The following MMAA variants were observed in gnomAD, a reference collection of about 807,000 sequenced individuals.
The protein encoded by MMAA is metabolism of cobalamin associated A.
MMAA carries 41 observed loss-of-function variants against 45.0 expected under a neutral mutation model. The ratio of observed to expected loss-of-function variants is 0.91; its 90% confidence interval spans 0.71 to 1.18. The LOEUF (loss-of-function observed/expected upper bound fraction) is 1.18, where lower values mean the gene tolerates loss of function less well. Among genes scored for constraint, MMAA ranks in the 50% most tolerant of loss-of-function variants. The pLI is 0.00. For synonymous variants in MMAA, 154 were observed against 178.2 expected (o/e 0.86, Z 1.08); for missense variants, 460 against 495.7 (o/e 0.93, Z 0.68).
intron 1 of MMAA, chr4:145,625,434 T>C (rs1734180343): frequency 1.4e-6 from 1 of 708,254 alleles, no homozygotes; most frequent in African/African-American, 1.7e-5. Context: ...AGCCATTTGC[T>C]GAGAGGGATA....
intron 4 of MMAA, among the ~76,000 whole-genome samples, chr4:145,647,918 G>A (rs369263967): frequency 5.3e-5 from 8 of 151,996 alleles, no homozygotes; most frequent in South Asian, 2.1e-4. Context: ...GTGCAGTTGC[G>A]GGGTCTCGGC....
intron 6 of MMAA, among the ~76,000 whole-genome samples, chr4:145,654,625 G>A (rs1251213421): frequency 6.6e-6 from 1 of 152,190 alleles, no homozygotes; most frequent in Non-Finnish European, 1.5e-5. Context: ...TGAGGACAAT[G>A]ATGACTTATC....
chr4:145,636,825 G>T (rs1727624228), intron 1 of MMAA, among the ~76,000 whole-genome samples: 1 of 152,192 alleles, frequency 6.6e-6, no homozygotes, highest in Admixed American at 6.5e-5. Flanking sequence ...GCTAGGATTA[G>T]GTTATTTAAG....
chr4:145,655,587 T>C lies in MMAA; in HGVS notation c.*153T>C. The stretch of plus-strand genomic sequence containing the variant: ...GCTTGAAAACTTGAAGGAAGTTAGA[T>C]ATGAATGGCAAAAGTTAGGCAGTAT... On this transcript the variant is annotated 3_prime_UTR_variant, in exon 7 of 7. Transcript: ENST00000649156. 4 of 702,738 alleles carry C rather than the reference T, an allele frequency of 5.7e-6. No homozygotes were observed. Among genetic ancestry groups the C allele is most frequent in the African/African-American group, 1.8e-5 (1 of 55,730 alleles). The allele number at this position is 702,738 out of a possible 1,614,324, so 43.5% of individuals were successfully genotyped here.
At position 145,657,552 on chromosome 4, in the gene MMAA, GTTTC is replaced by G. The variant is rs1728269203; in HGVS notation, c.*2122_*2125del. The G allele has an allele frequency of 6.6e-6, 1 of 152,098 alleles. No individual in the cohort carries two copies. The highest frequency in any genetic ancestry group is 1.5e-5 in the Non-Finnish European group (1 of 68,026). The allele number at this position is 152,098 out of a possible 1,614,324, so 9.4% of individuals were successfully genotyped here. A position where few individuals can be genotyped will look rare whatever the true frequency, so the allele number is the denominator to read the frequency against. On this transcript the variant is annotated 3_prime_UTR_variant, in exon 7 of 7. Coordinates refer to ENST00000649156, the MANE Select transcript of MMAA (RefSeq NM_172250.3). ...GCAAGTTTTTTCTCTATGTGCAGTA[GTTTC>G]TTTATCTGTAAAATTAAGATAATAG...
chr4:145,631,908 A>G (rs556942443), intron 1 of MMAA, among the ~76,000 whole-genome samples: 3 of 152,346 alleles, frequency 2.0e-5, no homozygotes, highest in Middle Eastern at 3.4e-3. Flanking sequence ...ACAAATGAAT[A>G]GAAAACTAAT....
At chr4:145,632,792 C>T (rs1727491514) in intron 1 of MMAA, among the ~76,000 whole-genome samples, 1 of 150,516 alleles carries the variant, frequency 6.6e-6, no homozygotes, top group South Asian at 2.1e-4. Flanking sequence ...GGGTCTTGCT[C>T]TGTCACCCAG....
rs116354493 is a variant in MMAA, at chr4:145,625,306, G to T, written c.-66+5899G>T. 1.1e-3 allele frequency: 821 copies of T among 721,070 alleles called. 9 individuals carry two copies. The African/African-American group carries it at 0.012, about 11-fold the overall frequency. 44.7% of individuals were successfully genotyped at this position (721,070 alleles called of 1,614,324 possible). ...TTCCCCAGACATTAGTAAAGAAATT[G>T]CAGGCTCTGGAAGAAGTCTGTCTAT... On this transcript the variant is annotated intron_variant, in intron 1 of 6. Transcript: ENST00000649156.
intron 4 of MMAA, 69 bp from the exon 5 acceptor site, chr4:145,650,993 G>C: frequency 7.4e-7 from 1 of 1,345,968 alleles, no homozygotes; most frequent in Non-Finnish European, 1.1e-6. Flanking sequence ...GAATGGAAAT[G>C]GTCAATGTAG....
At position 145,656,712 on chromosome 4, in the gene MMAA, A is replaced by C. The variant is rs759292618; in HGVS notation, c.*1278A>C. ...ATTTGAATAAAATTTCTAACCATAA[A>C]ATTTCGCCATTGCACAAAAAGCCTT... On this transcript the variant is annotated 3_prime_UTR_variant, in exon 7 of 7. Coordinates refer to ENST00000649156, the MANE Select transcript of MMAA (RefSeq NM_172250.3). 5 of 152,182 alleles carry C rather than the reference A, an allele frequency of 3.3e-5. No homozygotes were observed. The highest frequency in any genetic ancestry group is 7.4e-5 in the Non-Finnish European group (5 of 68,012). The allele number at this position is 152,182 out of a possible 1,614,324, so 9.4% of individuals were successfully genotyped here.
In MMAA at chr4:145,658,655, A is replaced by G. The variant is rs1728301439; in HGVS notation, c.*3221A>G. On this transcript the variant is annotated 3_prime_UTR_variant, in exon 7 of 7. Coordinates refer to ENST00000649156, the MANE Select transcript of MMAA (RefSeq NM_172250.3). ...CTGAAGACAACAGCTAACGAACAAC[A>G]TACGTGTGATAATTTATGTAGTTGA... The G allele has an allele frequency of 6.6e-6, 1 of 151,734 alleles. No individual in the cohort carries two copies. Among genetic ancestry groups the G allele is most frequent in the South Asian group, 2.1e-4 (1 of 4,782 alleles). 9.4% of individuals were successfully genotyped at this position (151,734 alleles called of 1,614,324 possible).
At chr4:145,634,633 G>A (rs1727557803) in intron 1 of MMAA, among the ~76,000 whole-genome samples, 1 of 151,860 alleles carries the variant, frequency 6.6e-6, no homozygotes, top group Admixed American at 6.6e-5. Flanking sequence ...AGCAGAAGGA[G>A]TCTCGCCCTG....
chr4:145,650,847 C>T (rs533689919), intron 4 of MMAA: 17 of 573,404 alleles, frequency 3.0e-5, no homozygotes, highest in South Asian at 4.1e-5. Context: ...AATCCAAGAA[C>T]GGAGCGGGAG....
chr4:145,636,542 C>T (rs1271501739), intron 1 of MMAA, among the ~76,000 whole-genome samples: 1 of 152,200 alleles, frequency 6.6e-6, no homozygotes, highest in Non-Finnish European at 1.5e-5. Context: ...TTCCATATAC[C>T]CTAGGCTTCT....
Position 145,655,296 on chromosome 4 carries a change from A to C in MMAA, c.1119A>C (p.Glu373Asp). 1 of 1,614,200 alleles carries C rather than the reference A, an allele frequency of 6.2e-7. No homozygotes were observed. The highest frequency in any genetic ancestry group is 8.5e-7 in the Non-Finnish European group (1 of 1,180,034). The change falls in exon 7 of 7, where the codon GAA (glutamate) becomes GAC (aspartate). Residue 373 changes from glutamate (E) to aspartate (D), a missense_variant. Glu to Asp is a conservative substitution (Grantham distance 45, BLOSUM62 2). Transcript: ENST00000649156. The stretch of plus-strand genomic sequence containing the variant: ...TTTGGATGTGGAATCTCATTCAGGA[A>C]AGTGTGTTAGAGCATTTCAGGACCC... The part of the protein sequence containing the change: ...QKVWMWNLIQ[E>D]SVLEHFRTHP...
At chr4:145,630,267 A>G (rs772481855) in intron 1 of MMAA, among the ~76,000 whole-genome samples, 4 of 152,280 alleles carry the variant, frequency 2.6e-5, no homozygotes, top group South Asian at 2.1e-4. Context: ...TTTCTTCTAG[A>G]TGTTTTCAAT....
In MMAA at chr4:145,659,173, A is replaced by T. The variant is rs868056972; in HGVS notation, c.*3739A>T. On this transcript the variant is annotated 3_prime_UTR_variant, in exon 7 of 7. Coordinates refer to ENST00000649156, the MANE Select transcript of MMAA (RefSeq NM_172250.3). The stretch of plus-strand genomic sequence containing the variant: ...CCGTAGTATTTTAATTAAAATTTTT[A>T]AAATTTTAAAATTTACTAAATTTAT... The T allele has an allele frequency of 1.3e-5, 2 of 152,220 alleles. No homozygotes were observed. Among genetic ancestry groups the T allele is most frequent in the East Asian group, 1.9e-4 (1 of 5,208 alleles). The allele number at this position is 152,220 out of a possible 1,614,324, so 9.4% of individuals were successfully genotyped here. A position where few individuals can be genotyped will look rare whatever the true frequency, so the allele number is the denominator to read the frequency against.
In MMAA at chr4:145,646,152, C is replaced by T. The variant is rs138111772; in HGVS notation, c.729C>T (p.Thr243=). ...GAGYDIILIE[T]VGVGQSEFAV... ...GATATGACATAATTCTTATTGAAACCGTTGGTGAGTGTGATATTCTATTTC... is the reference window on the plus strand; with the variant it reads ...GATATGACATAATTCTTATTGAAACTGTTGGTGAGTGTGATATTCTATTTC... The change falls in exon 4 of 7, where the codon ACC becomes ACT. Residue 243 remains threonine (T), a synonymous_variant. Transcript: ENST00000649156. 2.3e-4 allele frequency: 373 copies of T among 1,613,784 alleles called. No homozygotes were observed. The highest frequency in any genetic ancestry group is 3.0e-4 in the Non-Finnish European group (357 of 1,179,876).
At chr4:145,643,951 T>C (rs541648430) in intron 3 of MMAA, among the ~76,000 whole-genome samples, 153 of 152,212 alleles carry the variant, frequency 1.0e-3, no homozygotes, top group African/African-American at 3.6e-3. Context: ...AGGCAAAAAA[T>C]TATATAGACT....
Sources: gnomAD v4.1 joint callset for allele counts (sites outside exome capture counted in the v4.1 genomes callset) on GRCh38, gnomAD v4.1.1 for gene constraint, MANE v1.5 for transcripts, NCBI Gene and HGNC (gene_info 2026-07-23, HGNC 2026-07-21) for gene names.